Variants in SLC24A2 observed in about 807,000 individuals in gnomAD.
SLC24A2 encodes the protein solute carrier family 24 member 2, also known as sodium/potassium/calcium exchanger 2.
Under a neutral mutation model 62.0 loss-of-function variants are expected in SLC24A2, and 36 were observed. That is an observed-to-expected ratio of 0.58 (90% CI 0.44 to 0.77). SLC24A2 has a LOEUF of 0.77. Ranked by LOEUF, SLC24A2 falls within the 30% of genes least tolerant of loss-of-function variation. The probability of loss-of-function intolerance (pLI) is 0.00; values close to 1 mark genes in which losing one functional copy is unlikely to be tolerated. For synonymous variants in SLC24A2, 358 were observed against 294.0 expected (o/e 1.22, Z -2.23); for missense variants, 846 against 817.9 (o/e 1.03, Z -0.42).
At chr9:20,065,200 T>C in the SLC24A2 span, among the ~76,000 whole-genome samples, 1 of 152,198 alleles carries the variant, frequency 6.6e-6, no homozygotes, top group Non-Finnish European at 1.5e-5. Context: ...AGAGGAAATG[T>C]CTTCTGCCAA....
At chr9:20,258,448 T>C in the SLC24A2 span, among the ~76,000 whole-genome samples, 3 of 152,136 alleles carry the variant, frequency 2.0e-5, no homozygotes, top group Non-Finnish European at 4.4e-5. Context: ...ACCCTCAACA[T>C]GGGTGGGTGC....
chr9:19,901,773 GTTC>G, the SLC24A2 span, among the ~76,000 whole-genome samples: 1 of 151,970 alleles, frequency 6.6e-6, no homozygotes, highest in Non-Finnish European at 1.5e-5. Context: ...TGTGGTTGGT[GTTC>G]TTCTTAACAG....
At chr9:19,547,965 G>A (rs1368029627) in intron 8 of SLC24A2, among the ~76,000 whole-genome samples, 1 of 151,712 alleles carries the variant, frequency 6.6e-6, no homozygotes, top group Non-Finnish European at 1.5e-5. Context: ...TTTGCATAGT[G>A]CAGATGCTGT....
chr9:20,283,649 G>T, the SLC24A2 span, among the ~76,000 whole-genome samples: 4 of 150,874 alleles, frequency 2.7e-5, no homozygotes, highest in Non-Finnish European at 1.5e-5. Flanking sequence ...AGCAAGAATG[G>T]AAGTCTATTT....
At chr9:19,606,291 A>T (rs985509900) in intron 4 of SLC24A2, among the ~76,000 whole-genome samples, 13 of 152,316 alleles carry the variant, frequency 8.5e-5, no homozygotes, top group African/African-American at 3.1e-4. Context: ...CTAAAATGAG[A>T]TTGATTTACT....
At chr9:19,836,114 A>T in the SLC24A2 span, among the ~76,000 whole-genome samples, 2 of 152,202 alleles carry the variant, frequency 1.3e-5, no homozygotes, top group African/African-American at 4.8e-5. Context: ...AATGCCCACA[A>T]GAGAAAGCAG....
the SLC24A2 span, among the ~76,000 whole-genome samples, chr9:20,234,581 G>T: frequency 9.2e-5 from 14 of 152,220 alleles, no homozygotes; most frequent in Non-Finnish European, 1.3e-4. Flanking sequence ...GCTCCATCAG[G>T]TCCTCTAAGG....
At chr9:20,273,135 C>T in the SLC24A2 span, among the ~76,000 whole-genome samples, 1 of 152,188 alleles carries the variant, frequency 6.6e-6, no homozygotes, top group African/African-American at 2.4e-5. Context: ...GATGCTTGTC[C>T]CTGATGGAGC....
At position 19,512,865 on chromosome 9, in the gene SLC24A2, C is replaced by G. The variant is rs181573180; in HGVS notation, c.*3288G>C. ...ATTTTCTGTTGTGTATTCTTTGCCT[C>G]TATATCAGCATTAGGGATATGGCTG... On this transcript the variant is annotated 3_prime_UTR_variant, in exon 11 of 11. Coordinates refer to ENST00000341998, the MANE Select transcript of SLC24A2 (RefSeq NM_020344.4). 2 of 152,042 alleles carry G rather than the reference C, an allele frequency of 1.3e-5. No individual in the cohort carries two copies. The highest frequency in any genetic ancestry group is 1.9e-4 in the East Asian group (1 of 5,176). The allele number at this position is 152,042 out of a possible 1,614,324, so 9.4% of individuals were successfully genotyped here. A position where few individuals can be genotyped will look rare whatever the true frequency, so the allele number is the denominator to read the frequency against.
At chr9:19,542,505 C>T (rs986347713) in intron 8 of SLC24A2, among the ~76,000 whole-genome samples, 3 of 152,146 alleles carry the variant, frequency 2.0e-5, no homozygotes, top group Non-Finnish European at 4.4e-5. Flanking sequence ...AGAGGGCATC[C>T]TTGTCTTGTG....
At chr9:19,906,705 T>C in the SLC24A2 span, among the ~76,000 whole-genome samples, 3 of 152,200 alleles carry the variant, frequency 2.0e-5, no homozygotes, top group Admixed American at 1.3e-4. Context: ...AACACCTCTA[T>C]GCAAAAAAAC....
chr9:20,209,027 C>A, the SLC24A2 span, among the ~76,000 whole-genome samples: 1 of 152,206 alleles, frequency 6.6e-6, no homozygotes, highest in Admixed American at 6.5e-5. Flanking sequence ...CCTTGTCACT[C>A]ATATGCCCTC....
intron 2 of SLC24A2, among the ~76,000 whole-genome samples, chr9:19,695,372 C>T (rs1820157917): frequency 6.6e-6 from 1 of 151,928 alleles, no homozygotes; most frequent in Non-Finnish European, 1.5e-5. Context: ...ATTGGCTTGC[C>T]TTTTACCAGA....
At chr9:19,557,963 G>C (rs1223618690) in intron 7 of SLC24A2, among the ~76,000 whole-genome samples, 2 of 151,824 alleles carry the variant, frequency 1.3e-5, no homozygotes, top group Non-Finnish European at 2.9e-5. Context: ...GAGACTACAC[G>C]TATGCACCAC....
the SLC24A2 span, among the ~76,000 whole-genome samples, chr9:19,885,741 C>T: frequency 4.6e-5 from 7 of 152,034 alleles, no homozygotes; most frequent in Non-Finnish European, 7.4e-5. Flanking sequence ...TGTGCCTCTC[C>T]CTCCTCCCAC....
chr9:19,581,171 C>T (rs913949473), intron 5 of SLC24A2, among the ~76,000 whole-genome samples: 1 of 152,180 alleles, frequency 6.6e-6, no homozygotes, highest in African/African-American at 2.4e-5. Flanking sequence ...TTTAAGCATA[C>T]AGGGCCTTGT....
the SLC24A2 span, among the ~76,000 whole-genome samples, chr9:19,815,959 C>CTTTTTTTTTT: frequency 1.3e-4 from 13 of 103,400 alleles, no homozygotes; most frequent in East Asian, 2.9e-4. Flanking sequence ...TTTTTTGCCC[C>CTTTTTTTTTT]TTTTTTTTTT....
the SLC24A2 span, among the ~76,000 whole-genome samples, chr9:19,961,050 G>T: frequency 3.2e-4 from 48 of 150,106 alleles, no homozygotes; most frequent in African/African-American, 1.2e-3. Flanking sequence ...GTGTGTGTGT[G>T]TGAGTGAGAG....
the SLC24A2 span, among the ~76,000 whole-genome samples, chr9:19,848,310 C>A: frequency 6.6e-6 from 1 of 152,086 alleles, no homozygotes; most frequent in East Asian, 1.9e-4. Context: ...GAAAATATTA[C>A]GCTAAACATT....
Sources: gnomAD v4.1 joint callset for allele counts (sites outside exome capture counted in the v4.1 genomes callset) on GRCh38, gnomAD v4.1.1 for gene constraint, MANE v1.5 for transcripts, NCBI Gene and HGNC (gene_info 2026-07-23, HGNC 2026-07-21) for gene names.